The following TUBGCP2 variants were observed in gnomAD, a reference collection of about 807,000 sequenced individuals.
TUBGCP2 encodes the protein tubulin gamma complex component 2.
A neutral mutation model predicts 92.2 loss-of-function variants in TUBGCP2; 55 were observed. The observed-to-expected ratio is 0.60, with a 90% CI of 0.48 to 0.75. The LOEUF (loss-of-function observed/expected upper bound fraction) is 0.75, where lower values mean the gene tolerates loss of function less well. Ranked by LOEUF, TUBGCP2 falls within the 30% of genes least tolerant of loss-of-function variation. The pLI, the probability that TUBGCP2 is intolerant of heterozygous loss-of-function variation, is 0.00. For synonymous variants in TUBGCP2, 533 were observed against 505.2 expected, an observed-to-expected ratio of 1.06 and a Z score of -0.74; for missense variants, 1,093 against 1,188.9, an observed-to-expected ratio of 0.92 and a Z score of 1.19.
At position 133,302,680 on chromosome 10, in the gene TUBGCP2, C is replaced by A. The variant is rs575953146; in HGVS notation, c.150+112G>T. Reference sequence around the variant, plus strand: ...GGTGCTCACCCTGTACCACCCTGACCCAGGAACGGCGCTCACCCTGCACCC... The same window carrying A: ...GGTGCTCACCCTGTACCACCCTGACACAGGAACGGCGCTCACCCTGCACCC... On this transcript the variant is annotated intron_variant, in intron 2 of 17. Coordinates refer to ENST00000252936, the MANE Select transcript of TUBGCP2 (RefSeq NM_006659.4). The A allele has an allele frequency of 5.6e-6, 8 of 1,420,018 alleles. No individual in the cohort carries two copies. The African/African-American group carries it at 8.5e-5, about 15-fold the overall frequency. The allele number at this position is 1,420,018 out of a possible 1,614,324, so 88.0% of individuals were successfully genotyped here. A position where few individuals can be genotyped will look rare whatever the true frequency, so the allele number is the denominator to read the frequency against.
intron 1 of TUBGCP2, among the ~76,000 whole-genome samples, chr10:133,307,804 C>CA (rs1475822550): frequency 6.6e-6 from 1 of 152,194 alleles, no homozygotes. Context: ...TCATCAGAGT[C>CA]ACTCGCAGAC....
rs1467456842 is a variant in TUBGCP2, at chr10:133,288,972, G to A, written c.1409C>T (p.Pro470Leu). 1.9e-6 allele frequency: 3 copies of A among 1,614,020 alleles called. No individual in the cohort carries two copies. The highest frequency in any genetic ancestry group is 2.2e-5 in the East Asian group (1 of 44,876). The change falls in exon 10 of 18, where the codon CCG (proline) becomes CTG (leucine). Residue 470 changes from proline (P) to leucine (L), a missense_variant. Pro to Leu is a moderately conservative substitution (Grantham distance 98). Coordinates refer to ENST00000252936, the MANE Select transcript of TUBGCP2 (RefSeq NM_006659.4). ...CGTGTAGATGATCTCTTTAGCCACCGGGCAGGTGACGTCATGGCCACACTC... is the reference window on the plus strand; with the variant it reads ...CGTGTAGATGATCTCTTTAGCCACCAGGCAGGTGACGTCATGGCCACACTC... ...VRECGHDVTC[P>L]VAKEIIYTLK... is the part of the protein sequence containing the mutation.
rs372840730 is a variant in TUBGCP2, at chr10:133,293,549, G to A, written c.824+13C>T. 57 of 1,550,004 alleles carry A rather than the reference G, an allele frequency of 3.7e-5. No homozygotes were observed. The highest frequency in any genetic ancestry group is 1.7e-4 in the Middle Eastern group (1 of 5,872). ...AACAGCGCAGGCTCCCAGGGACCGC[G>A]CCCGGTGCCCACCTGGTCACAGCGG... On this transcript the variant is annotated intron_variant, in intron 6 of 17. Coordinates refer to ENST00000252936, the MANE Select transcript of TUBGCP2 (RefSeq NM_006659.4).
Position 133,278,918 on chromosome 10 carries a change from G to T in TUBGCP2, c.*848C>A. 1 of 152,482 alleles carries T rather than the reference G, an allele frequency of 6.6e-6. No individual in the cohort carries two copies. Among genetic ancestry groups the T allele is most frequent in the South Asian group, 2.1e-4 (1 of 4,836 alleles). The allele number at this position is 152,482 out of a possible 1,614,324, so 9.4% of individuals were successfully genotyped here. A position where few individuals can be genotyped will look rare whatever the true frequency, so the allele number is the denominator to read the frequency against. On this transcript the variant is annotated 3_prime_UTR_variant, in exon 18 of 18. Transcript: ENST00000252936. ...TACACATGCAGGTCAGCAGGAAGGG[G>T]CAGCTTGGCCAGAATGTAACCAGAG...
At chr10:133,309,689 T>G (rs1339317379), upstream of TUBGCP2, 2 of 1,490,680 alleles carry the variant, frequency 1.3e-6, no homozygotes, top group Admixed American at 1.7e-5. Context: ...GGGGCTTTAT[T>G]GGACGTCTCA....
chr10:133,290,213 G>A (rs1191245147), intron 8 of TUBGCP2: 1 of 491,876 alleles, frequency 2.0e-6, no homozygotes, highest in Non-Finnish European at 3.7e-6. Flanking sequence ...CGAACCTAGG[G>A]GCCGGGCACA....
Position 133,290,052 on chromosome 10 carries a change from A to T in TUBGCP2, c.1215-83T>A, listed in dbSNP as rs534947833. 1.2e-4 allele frequency: 182 copies of T among 1,563,492 alleles called. 3 individuals are homozygous for T. The South Asian group carries it at 2.0e-3, about 17-fold the overall frequency. On this transcript the variant is annotated intron_variant, in intron 8 of 17. Coordinates refer to ENST00000252936, the MANE Select transcript of TUBGCP2 (RefSeq NM_006659.4). Reference sequence around the variant, plus strand: ...ACACTTCTCCAGGCCGGCAGCGCGCAGGGACATTAACAGAGGCCAGCACAC... The same window carrying T: ...ACACTTCTCCAGGCCGGCAGCGCGCTGGGACATTAACAGAGGCCAGCACAC...
chr10:133,306,638 A>T (rs1847826164), intron 1 of TUBGCP2, among the ~76,000 whole-genome samples: 1 of 152,032 alleles, frequency 6.6e-6, no homozygotes, highest in Non-Finnish European at 1.5e-5. Context: ...ATACAAAAAA[A>T]TTAGCCGGGG....
chr10:133,293,866 C>A (rs1573040), intron 5 of TUBGCP2, 97 bp from the exon 6 acceptor site: 39,899 of 1,217,550 alleles, frequency 0.033, 1,557 homozygotes, highest in African/African-American at 0.19. Context: ...TCTTGCTCAT[C>A]TTTGTTTATG....
In TUBGCP2 at chr10:133,285,259, G is replaced by C; in HGVS notation, c.1896-46C>G. 1.9e-6 allele frequency: 3 copies of C among 1,607,240 alleles called. No homozygotes were observed. The highest frequency in any genetic ancestry group is 2.5e-6 in the Non-Finnish European group (3 of 1,179,692). ...CCTCAGGTGGGCCTCCGTGACCGGC[G>C]GCGTCGTGGACACGGCGTCTGTACT... is the stretch of plus-strand genomic sequence containing the variant. On this transcript the variant is annotated intron_variant, in intron 12 of 17. Coordinates refer to ENST00000252936, the MANE Select transcript of TUBGCP2 (RefSeq NM_006659.4). This position sits in a 1 kb window ranked among gnomAD's most constrained non-coding sequence, Gnocchi z 6.8.
At position 133,281,229 on chromosome 10, in the gene TUBGCP2, G is replaced by A. The variant is rs200014257; in HGVS notation, c.2573+44C>T. ...GCGGTGCTGGGCAGGGGCAGGCGCT[G>A]GACTGAGCTGAGGAAGGGCTGAGCC... On this transcript the variant is annotated intron_variant, in intron 17 of 17. Transcript: ENST00000252936. 1.3e-4 allele frequency: 206 copies of A among 1,598,722 alleles called. No individual in the cohort carries two copies. The Middle Eastern group carries it at 2.2e-3, about 17-fold the overall frequency.
At chr10:133,301,068 C>T (rs748580707) in intron 2 of TUBGCP2, among the ~76,000 whole-genome samples, 8 of 152,172 alleles carry the variant, frequency 5.3e-5, no homozygotes, top group East Asian at 1.9e-4. Context: ...GTAGTTTATG[C>T]GTTCATTGTA....
chr10:133,310,107 G>T (rs1564778452), upstream of TUBGCP2: 1 of 1,611,946 alleles, frequency 6.2e-7, no homozygotes, highest in African/African-American at 1.3e-5. Context: ...TGCTACGGGG[G>T]CATGGCGGTG....
chr10:133,287,971 C>G (rs1847175128), intron 11 of TUBGCP2, among the ~76,000 whole-genome samples, 158 bp downstream of exon 11: 3 of 152,344 alleles, frequency 2.0e-5, no homozygotes, highest in African/African-American at 7.2e-5. Flanking sequence ...GACCCCCGAT[C>G]CCGGCAAGCC....
chr10:133,280,957 C>T (rs555960728), intron 17 of TUBGCP2, among the ~76,000 whole-genome samples: 5 of 144,706 alleles, frequency 3.5e-5, no homozygotes, highest in African/African-American at 1.3e-4. Context: ...TGGGCCAGGG[C>T]GGTGTTGGGC....
Position 133,279,622 on chromosome 10 carries a change from G to A in TUBGCP2, c.*144C>T. On this transcript the variant is annotated 3_prime_UTR_variant, in exon 18 of 18. Coordinates refer to ENST00000252936, the MANE Select transcript of TUBGCP2 (RefSeq NM_006659.4). Reference sequence around the variant, plus strand: ...TATAAAACGAAACCCAGCGCCTTGAGAAACAAAGTGAGCTGAGTCAATCAT... The same window carrying A: ...TATAAAACGAAACCCAGCGCCTTGAAAAACAAAGTGAGCTGAGTCAATCAT... 2 of 1,284,152 alleles carry A rather than the reference G, an allele frequency of 1.6e-6. No individual in the cohort carries two copies. The highest frequency in any genetic ancestry group is 3.7e-5 in the South Asian group (2 of 53,554). The allele number at this position is 1,284,152 out of a possible 1,614,324, so 79.5% of individuals were successfully genotyped here.
chr10:133,294,384 G>A lies in TUBGCP2; in HGVS notation c.617-615C>T, dbSNP rs541674994. On this transcript the variant is annotated intron_variant, in intron 5 of 17. Coordinates refer to ENST00000252936, the MANE Select transcript of TUBGCP2 (RefSeq NM_006659.4). ...AGCAGGATGTTGAAACTGTCCCCAC[G>A]AGGGCCTGACAGGGCCCCGTGCCAG... Among the ~76,000 whole-genome samples the A allele has an allele frequency of 7.2e-5, 11 of 152,296 alleles. No individual in the cohort carries two copies. The South Asian group carries it at 1.9e-3, about 26-fold the overall frequency.
chr10:133,281,450 C>T lies in TUBGCP2; in HGVS notation c.2410-14G>A, dbSNP rs761363104. On this transcript the variant is annotated splice_polypyrimidine_tract_variant and intron_variant, in intron 16 of 17. Coordinates refer to ENST00000252936, the MANE Select transcript of TUBGCP2 (RefSeq NM_006659.4). The stretch of plus-strand genomic sequence containing the variant: ...CTCAGCCAGGTGCTGGAAAGAAAGC[C>T]GGGGTGCGTGAGCCATGCCCACCCC... 44 of 1,609,472 alleles carry T rather than the reference C, an allele frequency of 2.7e-5. No individual in the cohort carries two copies. Among genetic ancestry groups the T allele is most frequent in the Middle Eastern group, 1.8e-4 (1 of 5,682 alleles).
rs765780811 is a variant in TUBGCP2 at position 133,285,541 on chromosome 10, C to G, written c.1810G>C (p.Asp604His). The change falls in exon 12 of 18, where the codon GAC (aspartate) becomes CAC (histidine). Residue 604 changes from aspartate to histidine, a missense_variant. Around this residue, in one of 3 missense-constraint regions of TUBGCP2, gnomAD observed 598 missense variants for 675.5 expected, o/e 0.89. Transcript: ENST00000252936. The surrounding 1 kb of genome is among the most constrained non-coding windows in gnomAD (Gnocchi z 6.8). ...CCGCTCAGCGCCAGCTCCGTGGGGT[C>G]GGCGTGCGCCATCGCCTTCTCCTGC... ...TKQEKAMAHA[D>H]PTELALSGLE... 1 of 1,591,366 alleles carries G rather than the reference C, an allele frequency of 6.3e-7. No homozygotes were observed. The highest frequency in any genetic ancestry group is 1.1e-5 in the South Asian group (1 of 88,846).
Sources: allele counts gnomAD v4.1 joint callset (sites outside exome capture counted in the v4.1 genomes callset), GRCh38; gene constraint gnomAD v4.1.1; regional missense constraint gnomAD v4.1.1; non-coding constraint Gnocchi (gnomAD v3.1); transcripts MANE v1.5; gene names NCBI Gene and HGNC (gene_info 2026-07-23, HGNC 2026-07-21).